The following KLHL2 variants were observed in gnomAD, a reference collection of about 807,000 sequenced individuals.
The protein encoded by KLHL2 is kelch-like protein 2.
In KLHL2, 15 loss-of-function variants were observed where a neutral mutation model predicts 75.8. The observed-to-expected ratio is 0.20, with a 90% CI of 0.13 to 0.30. The LOEUF (loss-of-function observed/expected upper bound fraction) is 0.30, where lower values mean the gene tolerates loss of function less well. Ranked by LOEUF, KLHL2 falls within the 10% of genes least tolerant of loss-of-function variation. The pLI is 1.00. For synonymous variants in KLHL2, 214 were observed against 251.9 expected, an observed-to-expected ratio of 0.85 and a Z score of 1.42; for missense variants, 381 against 741.0, an observed-to-expected ratio of 0.51 and a Z score of 5.64.
In KLHL2 at chr4:165,319,798, T is replaced by A. The variant is rs189763470; in HGVS notation, c.1753+1829T>A. ...CACCACACCTGGCTAATTTTTAAAT[T>A]TTTATTATTTTTATTATTTTTGACT... On this transcript the variant is annotated intron_variant, in intron 14 of 14. Coordinates refer to ENST00000226725, the MANE Select transcript of KLHL2 (RefSeq NM_007246.4). This position sits in a 1 kb window ranked among gnomAD's most constrained non-coding sequence, Gnocchi z 4.5. Among the ~76,000 whole-genome samples, 8 of 152,200 alleles carry A rather than the reference T, an allele frequency of 5.3e-5. 1 individual carries two copies. The East Asian group carries it at 9.7e-4, about 18-fold the overall frequency.
At chr4:165,249,920 C>G (rs1022238441) in intron 4 of KLHL2, among the ~76,000 whole-genome samples, 2 of 152,018 alleles carry the variant, frequency 1.3e-5, no homozygotes, top group African/African-American at 2.4e-5. Flanking sequence ...GTCAGGAGAT[C>G]GAGACCATCC....
Position 165,245,940 on chromosome 4 carries a change from T to C in KLHL2, c.381+7041T>C, listed in dbSNP as rs936973070. Reference sequence around the variant, plus strand: ...TTACTAAATATTTATGGGGTATCTATTCTATGCCAGACACTGTTCCAACCA... The same window carrying C: ...TTACTAAATATTTATGGGGTATCTACTCTATGCCAGACACTGTTCCAACCA... On this transcript the variant is annotated intron_variant, in intron 4 of 14. Transcript: ENST00000226725. 7.9e-5 allele frequency among the ~76,000 whole-genome samples: 12 copies of C among 152,292 alleles called. 1 individual carries two copies. The highest frequency in any genetic ancestry group is 2.2e-4 in the African/African-American group (9 of 41,546).
At position 165,226,263 on chromosome 4, in the gene KLHL2, G is replaced by A. The variant is rs1327770049; in HGVS notation, c.153-2544G>A. ...GCTTACCTGCCTCCAGAGTTTCTTC[G>A]CTCCCACCCTTCTCTGTCCCCACTC... On this transcript the variant is annotated intron_variant, in intron 2 of 14. Transcript: ENST00000226725. 3.3e-5 allele frequency among the ~76,000 whole-genome samples: 5 copies of A among 152,098 alleles called. No homozygotes were observed. In the South Asian group the frequency reaches 6.2e-4, roughly 19 times the overall value.
chr4:165,315,542 C>A (rs898141634), intron 13 of KLHL2, among the ~76,000 whole-genome samples: 1 of 152,092 alleles, frequency 6.6e-6, no homozygotes, highest in Non-Finnish European at 1.5e-5. Context: ...TGTTTATTTT[C>A]TATGCAAATA....
intron 3 of KLHL2, among the ~76,000 whole-genome samples, chr4:165,233,744 A>G (rs1739098631): frequency 6.6e-6 from 1 of 152,244 alleles, no homozygotes; most frequent in Non-Finnish European, 1.5e-5. Flanking sequence ...TTAGACAGTA[A>G]GTAAACACAC....
chr4:165,264,678 ATGTATG>A (rs1227501235), intron 5 of KLHL2, among the ~76,000 whole-genome samples: 10 of 64,820 alleles, frequency 1.5e-4, no homozygotes, highest in African/African-American at 4.1e-4. Context: ...ACATACGTAT[ATGTATG>A]TGTGTGTGTG....
At chr4:165,251,810 C>T (rs1009212546) in intron 4 of KLHL2, among the ~76,000 whole-genome samples, 7 of 151,662 alleles carry the variant, frequency 4.6e-5, no homozygotes, top group African/African-American at 7.3e-5. Flanking sequence ...GGGGTTTCAC[C>T]GTTTTAGCCG....
chr4:165,283,598 G>A (rs1743856137), intron 5 of KLHL2, among the ~76,000 whole-genome samples: 1 of 152,174 alleles, frequency 6.6e-6, no homozygotes, highest in South Asian at 2.1e-4. Flanking sequence ...CCTACCTCCT[G>A]GCTGCCTTCA....
chr4:165,263,883 T>C (rs1225668116), intron 5 of KLHL2, among the ~76,000 whole-genome samples: 1 of 138,848 alleles, frequency 7.2e-6, no homozygotes, highest in Non-Finnish European at 1.5e-5. Flanking sequence ...CAGTGAAATA[T>C]AGATACATTT....
At chr4:165,271,463 G>T (rs1363076598) in intron 5 of KLHL2, among the ~76,000 whole-genome samples, 5 of 152,130 alleles carry the variant, frequency 3.3e-5, no homozygotes, top group African/African-American at 4.8e-5. Context: ...GTCATTGTTC[G>T]TGTGTAGCAG....
At chr4:165,281,580 G>T (rs1295735844) in intron 5 of KLHL2, among the ~76,000 whole-genome samples, 2 of 152,180 alleles carry the variant, frequency 1.3e-5, no homozygotes, top group African/African-American at 2.4e-5. Flanking sequence ...CTCCCAAAGT[G>T]CTAGGATTAC....
At chr4:165,299,435 C>T in intron 7 of KLHL2, 72 bp from the exon 8 acceptor site, 1 of 1,389,526 alleles carries the variant, frequency 7.2e-7, no homozygotes, top group Non-Finnish European at 9.7e-7. Context: ...CTCTCCTTTA[C>T]TTCTTTTTCT....
At chr4:165,310,852 TGTG>T in intron 10 of KLHL2, 102 bp downstream of exon 10, 1 of 892,572 alleles carries the variant, frequency 1.1e-6, no homozygotes, top group Non-Finnish European at 1.7e-6. Context: ...TGAGGTTTTT[TGTG>T]TTTTTTTTTT....
At chr4:165,255,618 T>A (rs1741101724) in intron 4 of KLHL2, among the ~76,000 whole-genome samples, 1 of 152,140 alleles carries the variant, frequency 6.6e-6, no homozygotes, top group Non-Finnish European at 1.5e-5. Flanking sequence ...CTTCTACATC[T>A]CAAAACCCTA....
Position 165,207,731 on chromosome 4 carries a change from T to C in KLHL2, c.-146T>C. ...TGGCCGCGGGGGCCGCCGCCGCAGG[T>C]GGTGGCGCGCGGTGAGGAGAGCGCG... On this transcript the variant is annotated 5_prime_UTR_variant, in exon 1 of 15. Transcript: ENST00000226725. The surrounding 1 kb of genome is among the most constrained non-coding windows in gnomAD (Gnocchi z 4.2). 2.4e-6 allele frequency: 1 copy of C among 419,590 alleles called. No homozygotes were observed. Among genetic ancestry groups the C allele is most frequent in the Non-Finnish European group, 3.6e-6 (1 of 279,672 alleles). 26.0% of individuals were successfully genotyped at this position (419,590 alleles called of 1,614,324 possible).
rs1560816817 is a variant in KLHL2, at chr4:165,297,649, A to G, written c.695A>G (p.Asp232Gly). ...AVIAWVNHDK[D>G]VRQEFMARLM... Reference sequence around the variant, plus strand: ...ATAGCATGGGTGAACCATGACAAGGATGTGAGGCAAGAGTTTATGGCCCGA... The same window carrying G: ...ATAGCATGGGTGAACCATGACAAGGGTGTGAGGCAAGAGTTTATGGCCCGA... Residue 232 changes from aspartate to glycine, a missense_variant, in exon 7 of 15, where the codon GAT becomes GGT. Physicochemically the swap from Asp to Gly is moderately conservative, Grantham distance 94 (BLOSUM62 -1). Around this residue, in one of 5 missense-constraint regions of KLHL2, gnomAD observed 111 missense variants for 150.1 expected, o/e 0.74. Coordinates refer to ENST00000226725, the MANE Select transcript of KLHL2 (RefSeq NM_007246.4). 7 of 1,613,740 alleles carry G rather than the reference A, an allele frequency of 4.3e-6. No homozygotes were observed. Among genetic ancestry groups the G allele is most frequent in the African/African-American group, 2.7e-5 (2 of 74,906 alleles).
intron 5 of KLHL2, among the ~76,000 whole-genome samples, chr4:165,266,007 G>T (rs986543017): frequency 2.0e-5 from 3 of 152,076 alleles, no homozygotes; most frequent in Admixed American, 2.0e-4. Flanking sequence ...TTTAATGATC[G>T]CCATTCTAAC....
chr4:165,281,710 T>C (rs960630441), intron 5 of KLHL2, among the ~76,000 whole-genome samples: 18 of 152,200 alleles, frequency 1.2e-4, no homozygotes, highest in Admixed American at 1.2e-3. Flanking sequence ...ACAGAAAAGT[T>C]CAATTGCTTT....
Position 165,294,323 on chromosome 4 carries a change from TGA to T in KLHL2, c.545-35_545-34del. ...GTTTGAAACTATGATAATGGAATGT[TGA>T]TGTTAGTGGATTTTCTTTTTAATTC... On this transcript the variant is annotated intron_variant, in intron 5 of 14. Transcript: ENST00000226725. 3 of 1,145,832 alleles carry T rather than the reference TGA, an allele frequency of 2.6e-6. No individual in the cohort carries two copies. In the South Asian group the frequency reaches 3.8e-5, roughly 15 times the overall value. 71.0% of individuals were successfully genotyped at this position (1,145,832 alleles called of 1,614,324 possible).
Sources: allele counts gnomAD v4.1 joint callset (sites outside exome capture counted in the v4.1 genomes callset), GRCh38; gene constraint gnomAD v4.1.1; regional missense constraint gnomAD v4.1.1; non-coding constraint Gnocchi (gnomAD v3.1); transcripts MANE v1.5; gene names NCBI Gene and HGNC (gene_info 2026-07-23, HGNC 2026-07-21).